Variants in ZNF423 observed in about 807,000 individuals in gnomAD.
The protein encoded by ZNF423 is zinc finger protein 423, also known as Ebf-associated zinc finger protein.
A neutral mutation model predicts 95.8 loss-of-function variants in ZNF423; 12 were observed. The observed-to-expected ratio is 0.13, with a 90% CI of 0.08 to 0.20. The LOEUF (loss-of-function observed/expected upper bound fraction) is 0.20. ZNF423 is among the 10% of genes least tolerant of loss of function. The pLI, the probability that ZNF423 is intolerant of heterozygous loss-of-function variation, is 1.00. For synonymous variants in ZNF423, 749 were observed against 711.9 expected (o/e 1.05, Z -0.83); for missense variants, 1,316 against 1,737.1 (o/e 0.76, Z 4.31).
chr16:49,622,946 C>T (rs1972134841), intron 5 of ZNF423, among the ~76,000 whole-genome samples: 1 of 152,140 alleles, frequency 6.6e-6, no homozygotes, highest in Non-Finnish European at 1.5e-5. Context: ...ACCATGTCCC[C>T]TGTACTCCCG....
intron 5 of ZNF423, among the ~76,000 whole-genome samples, chr16:49,593,068 G>C (rs1438608764): frequency 6.6e-6 from 1 of 152,138 alleles, no homozygotes; most frequent in East Asian, 1.9e-4. Context: ...TTGTATGGGG[G>C]AGTGAAGAGA....
At position 49,637,403 on chromosome 16, in the gene ZNF423, G is replaced by A. The variant is rs1409272182; in HGVS notation, c.1773C>T (p.His591=). ...IFGSILKLTK[H]IKENHKNIPL... Reference sequence around the variant, plus strand: ...GAATGTTCTTGTGGTTCTCCTTGATGTGCTTGGTGAGTTTCAGGATGGAGC... The same window carrying A: ...GAATGTTCTTGTGGTTCTCCTTGATATGCTTGGTGAGTTTCAGGATGGAGC... Residue 591 remains histidine, a synonymous_variant, in exon 4 of 8, where the codon CAC becomes CAT. Coordinates refer to ENST00000563137, the MANE Select transcript of ZNF423 (RefSeq NM_001379286.1). The surrounding 1 kb of genome is among the most constrained non-coding windows in gnomAD (Gnocchi z 5.6). 1 of 1,614,114 alleles carries A rather than the reference G, an allele frequency of 6.2e-7. No homozygotes were observed. Among genetic ancestry groups the A allele is most frequent in the Non-Finnish European group, 8.5e-7 (1 of 1,180,062 alleles).
intron 3 of ZNF423, among the ~76,000 whole-genome samples, chr16:49,659,203 C>G (rs1243824121): frequency 6.6e-6 from 1 of 152,200 alleles, no homozygotes; most frequent in Non-Finnish European, 1.5e-5. Context: ...ATCCTCCCAC[C>G]TCAGCCTCCC....
At chr16:49,738,861 T>C (rs1011961132) in intron 2 of ZNF423, among the ~76,000 whole-genome samples, 2 of 151,974 alleles carry the variant, frequency 1.3e-5, no homozygotes, top group African/African-American at 4.8e-5. Context: ...AGGCGCCACA[T>C]TCTAGGCATA....
chr16:49,790,561 G>C (rs1030728262), intron 1 of ZNF423, among the ~76,000 whole-genome samples: 2 of 152,226 alleles, frequency 1.3e-5, no homozygotes, highest in Non-Finnish European at 2.9e-5. Flanking sequence ...ATGCTATCCA[G>C]AACCCTAGCA....
intron 4 of ZNF423, among the ~76,000 whole-genome samples, chr16:49,628,951 T>C (rs982475336): frequency 6.6e-6 from 1 of 151,760 alleles, no homozygotes; most frequent in African/African-American, 2.4e-5. Context: ...GAAAGAGGGG[T>C]GGTATTGGAA....
chr16:49,582,543 AG>A (rs757394491), intron 5 of ZNF423, among the ~76,000 whole-genome samples: 2 of 152,240 alleles, frequency 1.3e-5, no homozygotes, highest in Non-Finnish European at 2.9e-5. Context: ...CAAACCTAAA[AG>A]CGAAGGAAGC....
At chr16:49,647,192 A>G (rs1973208997) in intron 3 of ZNF423, among the ~76,000 whole-genome samples, 1 of 152,216 alleles carries the variant, frequency 6.6e-6, no homozygotes. Context: ...AACCAGGTAC[A>G]GGTCTTAAGC....
At chr16:49,505,363 T>C (rs1225058037) in intron 7 of ZNF423, among the ~76,000 whole-genome samples, 3 of 152,230 alleles carry the variant, frequency 2.0e-5, no homozygotes, top group African/African-American at 7.2e-5. Flanking sequence ...CCATTTTTAC[T>C]TTCTTCCAAA....
intron 3 of ZNF423, among the ~76,000 whole-genome samples, chr16:49,676,240 G>A (rs1004184313): frequency 3.3e-5 from 5 of 152,254 alleles, no homozygotes; most frequent in Admixed American, 3.3e-4. Flanking sequence ...TTGCAGCTGT[G>A]CTGCAGAGCT....
intron 7 of ZNF423, among the ~76,000 whole-genome samples, chr16:49,508,336 C>G (rs1358191242): frequency 6.6e-6 from 1 of 151,976 alleles, no homozygotes; most frequent in African/African-American, 2.4e-5. Flanking sequence ...GCCTAGGCAG[C>G]ATAGTGAACC....
At chr16:49,784,217 GAAAT>G (rs1008349043) in intron 2 of ZNF423, among the ~76,000 whole-genome samples, 1 of 151,924 alleles carries the variant, frequency 6.6e-6, no homozygotes, top group Non-Finnish European at 1.5e-5. Context: ...ACACCCAAAA[GAAAT>G]AAAAACAAGC....
In ZNF423 at chr16:49,636,344, T is replaced by C. The variant is rs771821915; in HGVS notation, c.2832A>G (p.Ser944=). ...GCCCGTTCTCCGAGAAGAAAGTCCG[T>C]GAACAAACGTTGCACTTGTGACTGC... ...IKGSHKCNVC[S]RTFFSENGLR... The change falls in exon 4 of 8, where the codon TCA becomes TCG. Residue 944 remains serine, a synonymous_variant. Coordinates refer to ENST00000563137, the MANE Select transcript of ZNF423 (RefSeq NM_001379286.1). The surrounding 1 kb of genome is among the most constrained non-coding windows in gnomAD (Gnocchi z 8.6). The C allele has an allele frequency of 3.8e-5, 62 of 1,612,630 alleles. No individual in the cohort carries two copies. Among genetic ancestry groups the C allele is most frequent in the Admixed American group, 1.3e-4 (8 of 59,994 alleles).
chr16:49,790,219 G>A (rs1018392434), intron 1 of ZNF423, among the ~76,000 whole-genome samples: 2 of 152,234 alleles, frequency 1.3e-5, no homozygotes, highest in Non-Finnish European at 2.9e-5. Flanking sequence ...CTTTGTAAAT[G>A]GAACTTTGTT....
At chr16:49,763,300 A>G (rs891856242) in intron 2 of ZNF423, among the ~76,000 whole-genome samples, 3 of 150,782 alleles carry the variant, frequency 2.0e-5, no homozygotes, top group Non-Finnish European at 4.4e-5. Flanking sequence ...TGTTTTTGAG[A>G]CAGGGTCTCA....
chr16:49,702,491 A>C (rs1174729396), intron 3 of ZNF423, among the ~76,000 whole-genome samples: 3 of 151,768 alleles, frequency 2.0e-5, no homozygotes, highest in Non-Finnish European at 2.9e-5. Flanking sequence ...TCTTGAGGCG[A>C]CCTCACTGAT....
chr16:49,527,406 G>C (rs1490392609), intron 5 of ZNF423, among the ~76,000 whole-genome samples: 2 of 152,162 alleles, frequency 1.3e-5, no homozygotes, highest in Non-Finnish European at 2.9e-5. Context: ...ACCTCCCTTG[G>C]GGAGACGTTC....
chr16:49,490,991 A>G lies in ZNF423; in HGVS notation c.*284T>C. On this transcript the variant is annotated 3_prime_UTR_variant, in exon 8 of 8. Transcript: ENST00000563137. ...TGAAGGAACAAAGGACAATAGCCTTAAAAAGCAGGTTTCTCTAACTCTAGA... is the reference window on the plus strand; with the variant it reads ...TGAAGGAACAAAGGACAATAGCCTTGAAAAGCAGGTTTCTCTAACTCTAGA... 2.2e-6 allele frequency: 1 copy of G among 453,206 alleles called. No homozygotes were observed. Among genetic ancestry groups the G allele is most frequent in the Non-Finnish European group, 4.0e-6 (1 of 250,882 alleles). The allele number at this position is 453,206 out of a possible 1,614,324, so 28.1% of individuals were successfully genotyped here.
chr16:49,575,428 C>T (rs1318676021), intron 5 of ZNF423, among the ~76,000 whole-genome samples: 2 of 152,144 alleles, frequency 1.3e-5, no homozygotes, highest in Non-Finnish European at 2.9e-5. Flanking sequence ...TTGCCGCAGC[C>T]CCTTCACTCT....
Sources: allele counts gnomAD v4.1 joint callset (sites outside exome capture counted in the v4.1 genomes callset), GRCh38; gene constraint gnomAD v4.1.1; non-coding constraint Gnocchi (gnomAD v3.1); transcripts MANE v1.5; gene names NCBI Gene and HGNC (gene_info 2026-07-23, HGNC 2026-07-21).